PDK1: variants seen among roughly 807,000 people sequenced by gnomAD.
The protein encoded by PDK1 is pyruvate dehydrogenase kinase 1.
PDK1 carries 39 observed loss-of-function variants against 54.2 expected under a neutral mutation model. That is an observed-to-expected ratio of 0.72 (90% confidence interval 0.56 to 0.94). PDK1 has a LOEUF of 0.94. Ranked by LOEUF, PDK1 falls within the 40% of genes least tolerant of loss-of-function variation. PDK1 has a pLI of 0.00. For missense variants in PDK1, 552 were observed against 566.0 expected (o/e 0.98, Z 0.25); for synonymous variants, 221 against 207.1 (o/e 1.07, Z -0.58).
At chr2:172,663,516 G>T in the PDK1 span, among the ~76,000 whole-genome samples, 10 of 151,642 alleles carry the variant, frequency 6.6e-5, no homozygotes, top group Non-Finnish European at 1.5e-5. Context: ...TGACCTAGGG[G>T]CTAGAGTGCA....
chr2:172,629,861 C>T, the PDK1 span, among the ~76,000 whole-genome samples: 1 of 152,176 alleles, frequency 6.6e-6, no homozygotes, highest in Non-Finnish European at 1.5e-5. Context: ...GCATGCTCCC[C>T]GTCCTGTGAA....
chr2:172,645,920 T>C, the PDK1 span, among the ~76,000 whole-genome samples: 1 of 152,226 alleles, frequency 6.6e-6, no homozygotes, highest in African/African-American at 2.4e-5. Flanking sequence ...AAACCTGATT[T>C]TTAAAACATT....
the PDK1 span, among the ~76,000 whole-genome samples, chr2:172,675,099 G>A: frequency 6.6e-6 from 1 of 152,222 alleles, no homozygotes. Context: ...TGGCAAACTT[G>A]ATTGATAAAT....
rs1690892881 is a variant in PDK1 at position 172,596,318 on chromosome 2, A to C, written c.*349A>C. 6.1e-6 allele frequency: 1 copy of C among 164,112 alleles called. No homozygotes were observed. Among genetic ancestry groups the C allele is most frequent in the African/African-American group, 2.4e-5 (1 of 41,680 alleles). The allele number at this position is 164,112 out of a possible 1,614,324, so 10.2% of individuals were successfully genotyped here. ...AATACTTTCATTTATGTTTGCTAGA[A>C]ACATTTTCTAAATGATAGTGATTAG... On this transcript the variant is annotated 3_prime_UTR_variant, in exon 11 of 11. Coordinates refer to ENST00000282077, the MANE Select transcript of PDK1 (RefSeq NM_002610.5).
At chr2:172,580,384 T>C (rs535393087) in intron 8 of PDK1, among the ~76,000 whole-genome samples, 1 of 152,110 alleles carries the variant, frequency 6.6e-6, no homozygotes, top group Non-Finnish European at 1.5e-5. Context: ...CAGCATGTTC[T>C]TTCTTGTACC....
At chr2:172,619,370 A>G in the PDK1 span, among the ~76,000 whole-genome samples, 2 of 152,194 alleles carry the variant, frequency 1.3e-5, no homozygotes, top group South Asian at 2.1e-4. Flanking sequence ...ACAAATTTCC[A>G]TAGCTCAGTG....
rs1325861715 is a variant in PDK1 at position 172,601,370 on chromosome 2, T to G, written c.*5401T>G. On this transcript the variant is annotated 3_prime_UTR_variant, in exon 11 of 11. Coordinates refer to ENST00000282077, the MANE Select transcript of PDK1 (RefSeq NM_002610.5). ...ACATACTGATAATGGTTAGGCTTTC[T>G]GTCCCCACCGCACAAATCTCATCTT... is the stretch of plus-strand genomic sequence containing the variant. The G allele has an allele frequency of 6.6e-6, 1 of 152,224 alleles. No individual in the cohort carries two copies. The highest frequency in any genetic ancestry group is 1.9e-4 in the East Asian group (1 of 5,200). The allele number at this position is 152,224 out of a possible 1,614,324, so 9.4% of individuals were successfully genotyped here.
At chr2:172,562,726 T>A (rs1175689339) in intron 3 of PDK1, 15 of 1,431,776 alleles carry the variant, frequency 1.0e-5, no homozygotes, top group Non-Finnish European at 1.5e-5. Context: ...AATTAAAACA[T>A]TTTTTAAAAC....
Position 172,570,678 on chromosome 2 carries a change from C to T in PDK1, c.847-48C>T, listed in dbSNP as rs760802411. ...CATATGTACTTGAAAATTACACTTT[C>T]TCTTTTCTAAAAAGCTGTATTTTTA... On this transcript the variant is annotated intron_variant, in intron 7 of 10. Coordinates refer to ENST00000282077, the MANE Select transcript of PDK1 (RefSeq NM_002610.5). 2 of 1,113,742 alleles carry T rather than the reference C, an allele frequency of 1.8e-6. 1 individual carries two copies. Among genetic ancestry groups the T allele is most frequent in the South Asian group, 2.7e-5 (2 of 74,828 alleles). 69.0% of individuals were successfully genotyped at this position (1,113,742 alleles called of 1,614,324 possible).
At chr2:172,700,297 G>A in the PDK1 span, among the ~76,000 whole-genome samples, 5 of 149,442 alleles carry the variant, frequency 3.3e-5, no homozygotes, top group Non-Finnish European at 5.9e-5. Context: ...GGTGGCGGCC[G>A]GGCAGAGGGG....
chr2:172,641,558 C>T, the PDK1 span, among the ~76,000 whole-genome samples: 3 of 151,660 alleles, frequency 2.0e-5, no homozygotes, highest in Non-Finnish European at 4.4e-5. Flanking sequence ...TATCCTGCCT[C>T]AGCCTCCCGA....
intron 9 of PDK1, among the ~76,000 whole-genome samples, chr2:172,592,674 G>A (rs945459501): frequency 2.0e-5 from 3 of 152,092 alleles, no homozygotes; most frequent in Non-Finnish European, 4.4e-5. Context: ...AAAGCAATAT[G>A]CTTTTTCGAG....
chr2:172,712,001 GTTACATATAT>G, the PDK1 span, among the ~76,000 whole-genome samples: 1 of 148,488 alleles, frequency 6.7e-6, no homozygotes. Context: ...ATATATATTA[GTTACATATAT>G]TTACATATAT....
the PDK1 span, chr2:172,674,236 G>C: frequency 6.6e-6 from 1 of 152,452 alleles, no homozygotes; most frequent in African/African-American, 2.4e-5. Context: ...AGTCTCTCAA[G>C]GGTTCAGCGA....
At chr2:172,559,109 C>T (rs1241674253) in intron 2 of PDK1, among the ~76,000 whole-genome samples, 2 of 151,820 alleles carry the variant, frequency 1.3e-5, no homozygotes, top group African/African-American at 4.8e-5. Context: ...CCACCACGCC[C>T]AGCTAATTTT....
At chr2:172,655,744 C>G in the PDK1 span, among the ~76,000 whole-genome samples, 6 of 152,188 alleles carry the variant, frequency 3.9e-5, no homozygotes, top group African/African-American at 1.4e-4. Flanking sequence ...TACAGTGTGC[C>G]CTTTTAGCCT....
the PDK1 span, among the ~76,000 whole-genome samples, chr2:172,684,722 T>G: frequency 6.6e-6 from 1 of 152,196 alleles, no homozygotes; most frequent in East Asian, 1.9e-4. Context: ...TGCCAGAATC[T>G]GCTAGTTATT....
the PDK1 span, among the ~76,000 whole-genome samples, chr2:172,632,166 C>T: frequency 6.6e-6 from 1 of 151,964 alleles, no homozygotes; most frequent in Non-Finnish European, 1.5e-5. Context: ...TATAGGGAGG[C>T]TGAGGCAGGA....
the PDK1 span, among the ~76,000 whole-genome samples, chr2:172,687,786 A>G: frequency 6.6e-6 from 1 of 152,180 alleles, no homozygotes; most frequent in East Asian, 1.9e-4. Context: ...CTCTGCCTGC[A>G]TTGTGTAAAA....
Sources: gnomAD v4.1 joint callset for allele counts (sites outside exome capture counted in the v4.1 genomes callset) on GRCh38, gnomAD v4.1.1 for gene constraint, MANE v1.5 for transcripts, NCBI Gene and HGNC (gene_info 2026-07-23, HGNC 2026-07-21) for gene names.